The following FAM24B variants were observed in gnomAD, a reference collection of about 807,000 sequenced individuals.
FAM24B encodes the protein protein FAM24B.
A neutral mutation model predicts 2.3 loss-of-function variants in FAM24B; 3 were observed. The ratio of observed to expected loss-of-function variants is 1.29; its 90% CI spans 0.59 to 3.32. The LOEUF is 3.32. Ranked by LOEUF, FAM24B falls within the 30% of genes most tolerant of loss-of-function variation. The pLI is 0.03. For missense variants in FAM24B, 98 were observed against 117.2 expected (o/e 0.84, Z 0.76); for synonymous variants, 36 against 46.3 (o/e 0.78, Z 0.90).
chr10:122,855,804 G>GAAC lies in FAM24B; in HGVS notation c.-177-21_-177-19dup, dbSNP rs1298483507. On this transcript the variant is annotated intron_variant, in intron 1 of 3. Transcript: ENST00000368898. The stretch of plus-strand genomic sequence containing the variant: ...TAAGGCAACTGGAGAGGGGAAAAGA[G>GAAC]AACAGCTCAAGTACTCTCTAGCTCA... The GAAC allele has an allele frequency of 2.0e-5, 3 of 152,190 alleles. No individual in the cohort carries two copies. Among genetic ancestry groups the GAAC allele is most frequent in the Non-Finnish European group, 2.9e-5 (2 of 68,060 alleles). The allele number at this position is 152,190 out of a possible 1,614,324, so 9.4% of individuals were successfully genotyped here.
At chr10:122,868,328 A>G (rs201918640) in intron 1 of FAM24B, among the ~76,000 whole-genome samples, 2 of 152,214 alleles carry the variant, frequency 1.3e-5, no homozygotes, top group African/African-American at 2.4e-5. Flanking sequence ...GAAAGTGATG[A>G]GGAGAATGGA....
intron 1 of FAM24B, among the ~76,000 whole-genome samples, chr10:122,868,629 C>T (rs1847841240): frequency 6.6e-6 from 1 of 152,088 alleles, no homozygotes; most frequent in Non-Finnish European, 1.5e-5. Flanking sequence ...GGCCAATATT[C>T]AACATTCTTA....
chr10:122,867,626 G>A (rs1016910566), intron 1 of FAM24B, among the ~76,000 whole-genome samples: 9 of 152,174 alleles, frequency 5.9e-5, no homozygotes, highest in Admixed American at 3.3e-4. Context: ...CAGCATTTGC[G>A]GTTCACCAAT....
chr10:122,876,656 C>A (rs140765321), intron 1 of FAM24B, among the ~76,000 whole-genome samples: 38 of 152,336 alleles, frequency 2.5e-4, no homozygotes, highest in African/African-American at 8.9e-4. Context: ...TCCTAGCATG[C>A]TGATATCAGT....
At chr10:122,850,578 G>A (rs1847514609) in intron 2 of FAM24B, 28 bp from the exon 3 acceptor site, 2 of 1,187,758 alleles carry the variant, frequency 1.7e-6, no homozygotes, top group East Asian at 2.3e-5. Context: ...AGCAAGCACT[G>A]AGCCCACGTG....
intron 1 of FAM24B, among the ~76,000 whole-genome samples, chr10:122,874,620 T>C (rs1166366217): frequency 6.6e-6 from 1 of 152,192 alleles, no homozygotes; most frequent in East Asian, 1.9e-4. Context: ...ATTCTTTTCT[T>C]GTTCCTCTAT....
At chr10:122,864,633 G>A (rs1847773030) in intron 1 of FAM24B, among the ~76,000 whole-genome samples, 1 of 152,102 alleles carries the variant, frequency 6.6e-6, no homozygotes, top group African/African-American at 2.4e-5. Context: ...AGTCCTATAG[G>A]TCTGGACAAA....
At chr10:122,878,228 T>C (rs1385232492) in intron 1 of FAM24B, among the ~76,000 whole-genome samples, 1 of 152,178 alleles carries the variant, frequency 6.6e-6, no homozygotes, top group Non-Finnish European at 1.5e-5. Context: ...AAGGGCTTTG[T>C]ATGCCTGTTA....
At chr10:122,873,144 A>G (rs915112361) in intron 1 of FAM24B, among the ~76,000 whole-genome samples, 1 of 152,176 alleles carries the variant, frequency 6.6e-6, no homozygotes, top group Non-Finnish European at 1.5e-5. Context: ...ATGAAAACAG[A>G]CTTCTATAGG....
intron 1 of FAM24B, among the ~76,000 whole-genome samples, chr10:122,865,216 A>C (rs1445329626): frequency 2.6e-5 from 4 of 152,178 alleles, no homozygotes; most frequent in African/African-American, 4.8e-5. Flanking sequence ...CCATTCTAAT[A>C]CATACTTGTT....
intron 1 of FAM24B, among the ~76,000 whole-genome samples, chr10:122,856,473 G>A (rs549359812): frequency 2.6e-5 from 4 of 152,308 alleles, no homozygotes; most frequent in South Asian, 4.1e-4. Context: ...GTGTCAGTGC[G>A]GGGAGTCAGC....
At chr10:122,855,368 C>T (rs975525718) in intron 2 of FAM24B, 10 of 152,156 alleles carry the variant, frequency 6.6e-5, no homozygotes, top group Non-Finnish European at 1.5e-5. Flanking sequence ...TTAAAAGAAC[C>T]AAAGAGAAAA....
chr10:122,858,662 C>T (rs1847679225), intron 1 of FAM24B, among the ~76,000 whole-genome samples: 1 of 152,102 alleles, frequency 6.6e-6, no homozygotes, highest in Admixed American at 6.5e-5. Flanking sequence ...ACCTTCGGGT[C>T]CTGAAGCAGG....
intron 1 of FAM24B, among the ~76,000 whole-genome samples, chr10:122,867,969 G>A (rs1847827378): frequency 6.6e-6 from 1 of 152,210 alleles, no homozygotes; most frequent in South Asian, 2.1e-4. Context: ...GAGAGAGGAA[G>A]GCTTCAGAAG....
chr10:122,863,972 C>G (rs1003884456), intron 1 of FAM24B, among the ~76,000 whole-genome samples: 6 of 152,134 alleles, frequency 3.9e-5, no homozygotes, highest in African/African-American at 1.4e-4. Flanking sequence ...GGACAAGGGC[C>G]CATGATCTTG....
At chr10:122,860,082 T>C (rs1302125142) in intron 1 of FAM24B, among the ~76,000 whole-genome samples, 14 of 152,128 alleles carry the variant, frequency 9.2e-5, no homozygotes, top group Admixed American at 2.6e-4. Context: ...CTCTTTGTGA[T>C]GTACAGTAGT....
At chr10:122,869,582 G>A (rs370031152) in intron 1 of FAM24B, among the ~76,000 whole-genome samples, 2 of 152,074 alleles carry the variant, frequency 1.3e-5, no homozygotes, top group Non-Finnish European at 2.9e-5. Context: ...ATAACAAACT[G>A]TCTCTCAGAC....
intron 1 of FAM24B, among the ~76,000 whole-genome samples, chr10:122,858,412 G>C (rs1847672411): frequency 7.1e-6 from 1 of 140,922 alleles, no homozygotes; most frequent in African/African-American, 2.6e-5. Flanking sequence ...GTTGGGTGAG[G>C]GGAGGGGGGA....
At chr10:122,852,466 G>T (rs892386698) in intron 2 of FAM24B, among the ~76,000 whole-genome samples, 1 of 152,142 alleles carries the variant, frequency 6.6e-6, no homozygotes, top group African/African-American at 2.4e-5. Flanking sequence ...GAACTCACCA[G>T]GTTCTTATAA....
Sources: gnomAD v4.1 joint callset for allele counts (sites outside exome capture counted in the v4.1 genomes callset) on GRCh38, gnomAD v4.1.1 for gene constraint, MANE v1.5 for transcripts, NCBI Gene and HGNC (gene_info 2026-07-23, HGNC 2026-07-21) for gene names.